ODF1: variants seen among roughly 807,000 people sequenced by gnomAD.
ODF1 encodes the protein outer dense fiber of sperm tails 1, also known as outer dense fiber protein 1.
In ODF1, 10 loss-of-function variants were observed where a neutral mutation model predicts 24.0. The ratio of observed to expected loss-of-function variants is 0.42; its 90% CI spans 0.26 to 0.71. The LOEUF is 0.71. Ranked by LOEUF, ODF1 falls within the 30% of genes least tolerant of loss-of-function variation. ODF1 has a pLI of 0.28. For synonymous variants in ODF1, 118 were observed against 121.3 expected (o/e 0.97, Z 0.18); for missense variants, 282 against 307.9 (o/e 0.92, Z 0.63).
chr8:102,554,821 G>A (rs1045054416), intron 1 of ODF1, among the ~76,000 whole-genome samples: 14 of 152,134 alleles, frequency 9.2e-5, no homozygotes, highest in African/African-American at 3.4e-4. Context: ...AACCAAGTGT[G>A]GTGGCACATG....
intron 1 of ODF1, among the ~76,000 whole-genome samples, chr8:102,555,573 T>C (rs775809905): frequency 8.5e-5 from 13 of 152,254 alleles, no homozygotes; most frequent in Non-Finnish European, 1.9e-4. Flanking sequence ...TCCCCCTTCA[T>C]GCTCTGAGGA....
At chr8:102,557,812 A>C (rs1826129297) in intron 1 of ODF1, among the ~76,000 whole-genome samples, 1 of 152,238 alleles carries the variant, frequency 6.6e-6, no homozygotes. Flanking sequence ...TTTGATTCTC[A>C]GACCATGCAC....
intron 1 of ODF1, among the ~76,000 whole-genome samples, chr8:102,553,269 C>T (rs554759078): frequency 3.3e-5 from 5 of 149,726 alleles, no homozygotes; most frequent in African/African-American, 1.2e-4. Flanking sequence ...CCCAGCTACT[C>T]GTGAGACTGA....
intron 1 of ODF1, among the ~76,000 whole-genome samples, chr8:102,557,636 A>T (rs900053067): frequency 3.9e-5 from 6 of 152,254 alleles, no homozygotes; most frequent in African/African-American, 1.4e-4. Flanking sequence ...GCTTCTGTGG[A>T]GGTCAAGAGG....
chr8:102,560,947 T>A lies in ODF1; in HGVS notation c.*63T>A. On this transcript the variant is annotated 3_prime_UTR_variant, in exon 2 of 2. Coordinates refer to ENST00000285402, the MANE Select transcript of ODF1 (RefSeq NM_024410.4). ...TACTCCAGCCAGGCAGCTCTCCCAA[T>A]GTTTCTCCTCTCCTTCCCATGGCCC... 7.0e-7 allele frequency: 1 copy of A among 1,436,452 alleles called. No individual in the cohort carries two copies. Among genetic ancestry groups the A allele is most frequent in the Non-Finnish European group, 9.5e-7 (1 of 1,054,558 alleles). 89.0% of individuals were successfully genotyped at this position (1,436,452 alleles called of 1,614,324 possible).
At chr8:102,558,151 G>C (rs919797883) in intron 1 of ODF1, among the ~76,000 whole-genome samples, 1 of 152,186 alleles carries the variant, frequency 6.6e-6, no homozygotes, top group Non-Finnish European at 1.5e-5. Flanking sequence ...CATGGGGCCA[G>C]AGGTAGAAAT....
At chr8:102,554,723 T>C (rs919954) in intron 1 of ODF1, among the ~76,000 whole-genome samples, 128,135 of 152,118 alleles carry the variant, frequency 0.84, 54,270 homozygotes, top group Middle Eastern at 0.88. Context: ...GAGGCTGTAA[T>C]AGGAGAATTG....
chr8:102,558,655 C>T (rs546790807), intron 1 of ODF1, among the ~76,000 whole-genome samples: 1 of 151,954 alleles, frequency 6.6e-6, no homozygotes, highest in East Asian at 1.9e-4. Flanking sequence ...CATGTTAGGG[C>T]TTAAGTGGAA....
chr8:102,551,960 A>G lies in ODF1; in HGVS notation c.233A>G (p.Tyr78Cys), dbSNP rs1169026699. The G allele has an allele frequency of 3.1e-6, 5 of 1,614,080 alleles. No homozygotes were observed. Among genetic ancestry groups the G allele is most frequent in the South Asian group, 1.1e-5 (1 of 91,084 alleles). ...CTCTACCCATGTTGCCTGTGTGATT[A>G]TAAGCTTTACTGTCTGCGACCATCT... ...CDLYPCCLCD[Y>C]KLYCLRPSLR... The change falls in exon 1 of 2, where the codon TAT becomes TGT. Residue 78 changes from tyrosine to cysteine, a missense_variant. Physicochemically the swap from Tyr to Cys is radical, Grantham distance 194. Transcript: ENST00000285402.
chr8:102,557,031 G>A (rs1437959203), intron 1 of ODF1, among the ~76,000 whole-genome samples: 6 of 152,152 alleles, frequency 3.9e-5, no homozygotes, highest in Non-Finnish European at 7.3e-5. Flanking sequence ...TTTCATATTC[G>A]GGAGTTTGGT....
chr8:102,555,327 G>A (rs2436897), intron 1 of ODF1, among the ~76,000 whole-genome samples: 1 of 152,010 alleles, frequency 6.6e-6, no homozygotes, highest in Non-Finnish European at 1.5e-5. Context: ...AGGAGTTTAT[G>A]ATCTAATTCA....
chr8:102,560,617 A>G lies in ODF1; in HGVS notation c.486A>G (p.Gly162=). 1.2e-6 allele frequency: 2 copies of G among 1,614,210 alleles called. No individual in the cohort carries two copies. Among genetic ancestry groups the G allele is most frequent in the Non-Finnish European group, 1.7e-6 (2 of 1,180,032 alleles). The change falls in exon 2 of 2, where the codon GGA becomes GGG. Residue 162 remains glycine (G), a synonymous_variant. Coordinates refer to ENST00000285402, the MANE Select transcript of ODF1 (RefSeq NM_024410.4). ...AERENRYDCL[G]SKKYSYMNIC... is the part of the protein sequence containing the mutation. Reference sequence around the variant, plus strand: ...GGGAGAACAGGTACGACTGCCTTGGATCGAAAAAGTACAGCTACATGAACA... The same window carrying G: ...GGGAGAACAGGTACGACTGCCTTGGGTCGAAAAAGTACAGCTACATGAACA...
intron 1 of ODF1, among the ~76,000 whole-genome samples, chr8:102,554,891 A>C (rs1343398006): frequency 6.6e-6 from 1 of 152,174 alleles, no homozygotes; most frequent in East Asian, 1.9e-4. Flanking sequence ...CTGGGAGGTC[A>C]GGACTGCGGT....
At position 102,551,849 on chromosome 8, in the gene ODF1, T is replaced by A; in HGVS notation, c.122T>A (p.Met41Lys). The change falls in exon 1 of 2, where the codon ATG (methionine) becomes AAG (lysine). Residue 41 changes from methionine to lysine, a missense_variant. Physicochemically the swap from Met to Lys is moderately conservative, Grantham distance 95 (BLOSUM62 -1). Coordinates refer to ENST00000285402, the MANE Select transcript of ODF1 (RefSeq NM_024410.4). ...ACACGGTGCCTGTGCGACTTGTATA[T>A]GCACCCCTATTGCTGCTGTGACTTG... Reference protein sequence around the residue: ...FSTRCLCDLYMHPYCCCDLHP... With the variant: ...FSTRCLCDLYKHPYCCCDLHP... 6.2e-7 allele frequency: 1 copy of A among 1,614,190 alleles called. No individual in the cohort carries two copies. The highest frequency in any genetic ancestry group is 8.5e-7 in the Non-Finnish European group (1 of 1,180,038).
Position 102,553,206 on chromosome 8 carries a change from C to CA in ODF1, c.320+1180dup, listed in dbSNP as rs71276450. Reference sequence around the variant, plus strand: ...GGTGAAACCCCATCTCTACTAAATACAAAAAAAAAAAAAAAAAAAAATTAG... The same window carrying CA: ...GGTGAAACCCCATCTCTACTAAATACAAAAAAAAAAAAAAAAAAAAAATTAG... On this transcript the variant is annotated intron_variant, in intron 1 of 1. Transcript: ENST00000285402. Among the ~76,000 whole-genome samples, 449 of 124,178 alleles carry CA rather than the reference C, an allele frequency of 3.6e-3. 4 individuals are homozygous for CA. Among genetic ancestry groups the CA allele is most frequent in the African/African-American group, 0.013 (421 of 32,304 alleles). 81.5% of individuals were successfully genotyped at this position (124,178 alleles called of 152,430 possible).
intron 1 of ODF1, among the ~76,000 whole-genome samples, chr8:102,552,589 T>G (rs1826055826): frequency 6.6e-6 from 1 of 152,160 alleles, no homozygotes; most frequent in South Asian, 2.1e-4. Flanking sequence ...GTATCTGGAA[T>G]TAGGTCTATC....
intron 1 of ODF1, among the ~76,000 whole-genome samples, chr8:102,558,784 A>G (rs1826144238): frequency 6.8e-6 from 1 of 147,602 alleles, no homozygotes; most frequent in South Asian, 2.1e-4. Flanking sequence ...ACTCACACAC[A>G]CACTCACATA....
At chr8:102,557,604 A>G in intron 1 of ODF1, among the ~76,000 whole-genome samples, 1 of 152,244 alleles carries the variant, frequency 6.6e-6, no homozygotes, top group Non-Finnish European at 1.5e-5. Context: ...ACTTGGGCTT[A>G]TAGACCTGGC....
In ODF1 at chr8:102,560,666, C is replaced by A. The variant is rs1307517714; in HGVS notation, c.535C>A (p.Pro179Thr). The A allele has an allele frequency of 1.1e-5, 17 of 1,614,038 alleles. No individual in the cohort carries two copies. The highest frequency in any genetic ancestry group is 1.4e-5 in the Non-Finnish European group (17 of 1,180,026). Residue 179 changes from proline to threonine, a missense_variant, in exon 2 of 2, where the codon CCC becomes ACC. Physicochemically the swap from Pro to Thr is conservative, Grantham distance 38 (BLOSUM62 -1). Transcript: ENST00000285402. ...CATCTGCAAAGAGTTCAGCTTGCCG[C>A]CCTGTGTGGATGAGAAGGATGTAAC... The part of the protein sequence containing the change: ...MNICKEFSLP[P>T]CVDEKDVTYS...
Sources: allele counts gnomAD v4.1 joint callset (sites outside exome capture counted in the v4.1 genomes callset), GRCh38; gene constraint gnomAD v4.1.1; transcripts MANE v1.5; gene names NCBI Gene and HGNC (gene_info 2026-07-23, HGNC 2026-07-21).